Variants in SOX5 observed in about 807,000 individuals in gnomAD.
SOX5 encodes transcription factor SOX-5.
Under a neutral mutation model 92.0 loss-of-function variants are expected in SOX5, and 9 were observed. The observed-to-expected ratio is 0.10, with a 90% CI of 0.06 to 0.17. The LOEUF (loss-of-function observed/expected upper bound fraction) is 0.17. Ranked by LOEUF, SOX5 falls within the 10% of genes least tolerant of loss-of-function variation. SOX5 has a pLI of 1.00. For missense variants in SOX5, 642 were observed against 944.5 expected, an observed-to-expected ratio of 0.68 and a Z score of 4.20; for synonymous variants, 344 against 336.3, an observed-to-expected ratio of 1.02 and a Z score of -0.25.
At chr12:24,006,226 T>C (rs898415527) in intron 4 of SOX5, among the ~76,000 whole-genome samples, 1 of 152,154 alleles carries the variant, frequency 6.6e-6, no homozygotes, top group Non-Finnish European at 1.5e-5. Flanking sequence ...GAAAGAATAT[T>C]AAAATACAAA....
intron 1 of SOX5, among the ~76,000 whole-genome samples, chr12:24,427,187 A>G (rs1157942541): frequency 6.6e-6 from 1 of 152,216 alleles, no homozygotes; most frequent in Non-Finnish European, 1.5e-5. Context: ...CCTTAGTTAG[A>G]GCAATGATCA....
chr12:24,476,995 C>CAAAAAAA (rs11385447), intron 1 of SOX5, among the ~76,000 whole-genome samples: 18 of 53,636 alleles, frequency 3.4e-4, no homozygotes, highest in Non-Finnish European at 5.6e-4. Flanking sequence ...AGACCCCTCT[C>CAAAAAAA]AAAAAAAAAA....
intron 6 of SOX5, among the ~76,000 whole-genome samples, chr12:23,705,750 G>T (rs1393140021): frequency 1.3e-5 from 2 of 151,996 alleles, no homozygotes; most frequent in African/African-American, 4.8e-5. Context: ...CGTAAGAAAA[G>T]AAACCAATAA....
At chr12:23,700,843 T>C (rs2090525866) in intron 6 of SOX5, among the ~76,000 whole-genome samples, 1 of 151,966 alleles carries the variant, frequency 6.6e-6, no homozygotes, top group Admixed American at 6.6e-5. Context: ...TTTGGTGTCA[T>C]TAAATATTTT....
At chr12:23,838,251 T>G (rs2096460668) in intron 3 of SOX5, among the ~76,000 whole-genome samples, 1 of 149,038 alleles carries the variant, frequency 6.7e-6, no homozygotes, top group Non-Finnish European at 1.5e-5. Flanking sequence ...TCTGTCAACA[T>G]TCTACTATTC....
chr12:23,562,132 G>C (rs1411652951), intron 11 of SOX5, among the ~76,000 whole-genome samples: 1 of 152,030 alleles, frequency 6.6e-6, no homozygotes, highest in African/African-American at 2.4e-5. Flanking sequence ...ATAAAAATGT[G>C]CCCTTCTCAG....
At chr12:23,986,361 A>G (rs1426180741) in intron 4 of SOX5, among the ~76,000 whole-genome samples, 5 of 152,194 alleles carry the variant, frequency 3.3e-5, no homozygotes, top group African/African-American at 4.8e-5. Context: ...CAAACAAAAA[A>G]AAACTATCAA....
At chr12:24,201,659 C>T (rs550377736) in intron 4 of SOX5, among the ~76,000 whole-genome samples, 2 of 152,316 alleles carry the variant, frequency 1.3e-5, no homozygotes, top group South Asian at 2.1e-4. Flanking sequence ...TGCTATCGAT[C>T]CTTTACCCTA....
At chr12:23,756,797 A>G (rs2094397247) in intron 3 of SOX5, among the ~76,000 whole-genome samples, 1 of 151,894 alleles carries the variant, frequency 6.6e-6, no homozygotes, top group African/African-American at 2.4e-5. Flanking sequence ...GCATAAAGGG[A>G]GTACATGTTA....
intron 2 of SOX5, among the ~76,000 whole-genome samples, chr12:24,353,264 C>G (rs1281676791): frequency 1.3e-5 from 2 of 152,152 alleles, no homozygotes; most frequent in Non-Finnish European, 2.9e-5. Flanking sequence ...GAGGTGTGTA[C>G]CCTCTATGGA....
chr12:23,541,058 T>A (rs1941937529), intron 13 of SOX5, among the ~76,000 whole-genome samples: 1 of 152,226 alleles, frequency 6.6e-6, no homozygotes, highest in African/African-American at 2.4e-5. Flanking sequence ...CTTTAAAGAA[T>A]ACATTTTCAT....
chr12:23,840,073 A>G (rs1439595368), intron 3 of SOX5, among the ~76,000 whole-genome samples: 3 of 151,994 alleles, frequency 2.0e-5, no homozygotes, highest in Non-Finnish European at 4.4e-5. Flanking sequence ...ATGATTGTCT[A>G]CGTAGAAAAT....
chr12:23,962,455 T>C (rs1947060031), intron 4 of SOX5, among the ~76,000 whole-genome samples: 2 of 151,996 alleles, frequency 1.3e-5, no homozygotes, highest in African/African-American at 4.8e-5. Flanking sequence ...ACGTTAAAAA[T>C]TATACATTAA....
intron 1 of SOX5, among the ~76,000 whole-genome samples, chr12:24,530,976 C>T (rs916775683): frequency 2.0e-5 from 3 of 152,012 alleles, no homozygotes; most frequent in Admixed American, 1.3e-4. Flanking sequence ...CTAAATAAAT[C>T]GGCAAAATTA....
chr12:23,563,883 T>C (rs987021720), intron 10 of SOX5, among the ~76,000 whole-genome samples: 1 of 152,104 alleles, frequency 6.6e-6, no homozygotes, highest in Non-Finnish European at 1.5e-5. Context: ...CTATTAAGTT[T>C]GTTATATACA....
intron 4 of SOX5, among the ~76,000 whole-genome samples, chr12:24,070,447 T>C (rs1204484806): frequency 6.6e-6 from 1 of 152,106 alleles, no homozygotes; most frequent in Non-Finnish European, 1.5e-5. Flanking sequence ...GCAATACATA[T>C]CCTAAAATAT....
chr12:24,521,141 G>A (rs545213920), intron 1 of SOX5, among the ~76,000 whole-genome samples: 9 of 152,170 alleles, frequency 5.9e-5, no homozygotes, highest in African/African-American at 1.2e-4. Flanking sequence ...TGCAACCTCC[G>A]CCTCCCGGGT....
chr12:23,824,973 G>A (rs1305538461), intron 3 of SOX5, among the ~76,000 whole-genome samples: 1 of 152,192 alleles, frequency 6.6e-6, no homozygotes, highest in Non-Finnish European at 1.5e-5. Context: ...GTTGACTTCA[G>A]GCTGCTGTGC....
chr12:23,999,533 G>A (rs1951392562), intron 4 of SOX5, among the ~76,000 whole-genome samples: 1 of 151,950 alleles, frequency 6.6e-6, no homozygotes, highest in Admixed American at 6.6e-5. Flanking sequence ...ATTTCATAAT[G>A]TATACATATA....
Sources: gnomAD v4.1 joint callset for allele counts (sites outside exome capture counted in the v4.1 genomes callset) on GRCh38, gnomAD v4.1.1 for gene constraint, MANE v1.5 for transcripts, NCBI Gene and HGNC (gene_info 2026-07-23, HGNC 2026-07-21) for gene names.